The following ABLIM1 variants were observed in gnomAD, a reference collection of about 807,000 sequenced individuals.
ABLIM1 encodes actin binding LIM protein 1, also known as actin-binding LIM protein 1.
Under a neutral mutation model 107.0 loss-of-function variants are expected in ABLIM1, and 40 were observed. The ratio of observed to expected loss-of-function variants is 0.37; its 90% CI spans 0.29 to 0.49. The LOEUF is 0.49. Ranked by LOEUF, ABLIM1 falls within the 20% of genes least tolerant of loss-of-function variation. ABLIM1 has a pLI of 0.97. For synonymous variants in ABLIM1, 357 were observed against 357.3 expected (o/e 1.00, Z 0.01); for missense variants, 857 against 1,008.5 (o/e 0.85, Z 2.04).
At position 114,435,614 on chromosome 10, in the gene ABLIM1, C is replaced by T. The variant is rs1589613929; in HGVS notation, c.*646G>A. The T allele has an allele frequency of 1.3e-5, 2 of 152,230 alleles. No homozygotes were observed. Among genetic ancestry groups the T allele is most frequent in the East Asian group, 3.9e-4 (2 of 5,194 alleles). 9.4% of individuals were successfully genotyped at this position (152,230 alleles called of 1,614,324 possible). ...TTTTTAAATATACTAATAGCTAAGT[C>T]ATTTGCCAGCCAGGTCCCGGTGAAC... On this transcript the variant is annotated 3_prime_UTR_variant, in exon 23 of 23. Coordinates refer to ENST00000533213, the MANE Select transcript of ABLIM1 (RefSeq NM_002313.7).
chr10:114,454,511 C>T (rs939622005), intron 12 of ABLIM1, among the ~76,000 whole-genome samples: 1 of 152,040 alleles, frequency 6.6e-6, no homozygotes, highest in African/African-American at 2.4e-5. Flanking sequence ...GGAGGAGCAA[C>T]AGGACTGGCC....
chr10:114,722,904 C>T (rs761175888), intron 1 of ABLIM1, among the ~76,000 whole-genome samples: 1 of 152,078 alleles, frequency 6.6e-6, no homozygotes. Context: ...TTTTTTTTAA[C>T]CCAGCTCAAG....
intron 1 of ABLIM1, among the ~76,000 whole-genome samples, chr10:114,665,116 CA>C (rs34831708): frequency 0.69 from 99,549 of 144,516 alleles, 33,474 homozygotes; most frequent in East Asian, 0.75. Context: ...GACTCCGTCT[CA>C]AAAAAAAAAA....
intron 1 of ABLIM1, among the ~76,000 whole-genome samples, chr10:114,618,553 C>T (rs1035731974): frequency 2.0e-5 from 3 of 152,230 alleles, no homozygotes; most frequent in African/African-American, 4.8e-5. Flanking sequence ...CTACCAACTG[C>T]AGCACCAGCT....
At chr10:114,573,133 A>C (rs1474513584) in intron 3 of ABLIM1, among the ~76,000 whole-genome samples, 2 of 152,102 alleles carry the variant, frequency 1.3e-5, no homozygotes, top group Non-Finnish European at 2.9e-5. Context: ...CTCCCTCCCT[A>C]TATCCTCTGC....
At chr10:114,742,362 A>G (rs1435806578) in intron 1 of ABLIM1, among the ~76,000 whole-genome samples, 4 of 152,214 alleles carry the variant, frequency 2.6e-5, no homozygotes, top group Non-Finnish European at 4.4e-5. Flanking sequence ...AAAATGGCCA[A>G]AAGTACACTT....
chr10:114,793,106 C>T, the ABLIM1 span, among the ~76,000 whole-genome samples: 5 of 152,230 alleles, frequency 3.3e-5, no homozygotes, highest in Middle Eastern at 6.8e-3. Flanking sequence ...AAGCCGAGAT[C>T]GCGCCTCTGC....
intron 1 of ABLIM1, chr10:114,632,357 C>G: frequency 1.0e-6 from 1 of 985,392 alleles, no homozygotes; most frequent in Non-Finnish European, 1.2e-6. Context: ...AGAGGAGGAC[C>G]GAGCACCAGC....
At chr10:114,676,161 A>T (rs1292364547) in intron 1 of ABLIM1, among the ~76,000 whole-genome samples, 5 of 152,186 alleles carry the variant, frequency 3.3e-5, no homozygotes, top group Non-Finnish European at 7.3e-5. Context: ...AAAGAAGGAA[A>T]CACAACTGGT....
chr10:114,609,920 G>C (rs142741921), intron 1 of ABLIM1, among the ~76,000 whole-genome samples: 1 of 152,202 alleles, frequency 6.6e-6, no homozygotes, highest in Admixed American at 6.5e-5. Context: ...CCAAGGCTAA[G>C]AAGAGTTAAA....
At chr10:114,753,378 G>A (rs982921152) in intron 1 of ABLIM1, among the ~76,000 whole-genome samples, 2 of 152,086 alleles carry the variant, frequency 1.3e-5, no homozygotes, top group African/African-American at 4.8e-5. Flanking sequence ...AATACTTTCG[G>A]CTATGCTCTA....
At chr10:114,558,149 A>C (rs2497734) in intron 4 of ABLIM1, among the ~76,000 whole-genome samples, 88 of 152,202 alleles carry the variant, frequency 5.8e-4, no homozygotes, top group African/African-American at 2.0e-3. Flanking sequence ...AACCCCTGGT[A>C]TTTCGGTAAC....
At chr10:114,690,859 T>C (rs1368158483) in intron 1 of ABLIM1, among the ~76,000 whole-genome samples, 1 of 152,176 alleles carries the variant, frequency 6.6e-6, no homozygotes, top group African/African-American at 2.4e-5. Context: ...TTTTTGTATT[T>C]TTAATAGAGA....
Position 114,591,503 on chromosome 10 carries a change from T to C in ABLIM1, c.379+10324A>G, listed in dbSNP as rs901536432. Among the ~76,000 whole-genome samples the C allele has an allele frequency of 3.9e-5, 6 of 152,170 alleles. 1 individual carries two copies. Among genetic ancestry groups the C allele is most frequent in the Admixed American group, 3.9e-4 (6 of 15,274 alleles). ...CATTGTCTGATAAAATCCCTGGGCC[T>C]GAAAGCTGTTCTATCTTTGTTATAA... On this transcript the variant is annotated intron_variant, in intron 2 of 22. Coordinates refer to ENST00000533213, the MANE Select transcript of ABLIM1 (RefSeq NM_002313.7).
intron 4 of ABLIM1, among the ~76,000 whole-genome samples, chr10:114,548,724 A>G (rs930985885): frequency 3.9e-5 from 6 of 152,212 alleles, no homozygotes; most frequent in Admixed American, 2.0e-4. Flanking sequence ...CTGGAAAGCA[A>G]CTTCAACAAC....
intron 1 of ABLIM1, among the ~76,000 whole-genome samples, chr10:114,644,329 A>ATATATATG (rs1158947105): frequency 7.1e-4 from 82 of 114,916 alleles, no homozygotes; most frequent in East Asian, 1.1e-3. Flanking sequence ...ATATATATAT[A>ATATATATG]TGTGTATATA....
chr10:114,485,169 T>C, intron 8 of ABLIM1: 1 of 588,886 alleles, frequency 1.7e-6, no homozygotes, highest in Non-Finnish European at 2.8e-6. Flanking sequence ...GCGCTTGTGG[T>C]GTGAGAAAAG....
intron 14 of ABLIM1, among the ~76,000 whole-genome samples, chr10:114,451,251 T>C (rs762744442): frequency 2.6e-5 from 4 of 152,240 alleles, no homozygotes; most frequent in Non-Finnish European, 5.9e-5. Context: ...TGGCTGGTTT[T>C]TCACCAGTTT....
chr10:114,562,872 A>C lies in ABLIM1; in HGVS notation c.673+8425T>G, dbSNP rs181034985. Among the ~76,000 whole-genome samples the C allele has an allele frequency of 7.0e-4, 106 of 152,248 alleles. 2 individuals carry two copies. Among genetic ancestry groups the C allele is most frequent in the Non-Finnish European group, 2.6e-4 (18 of 68,022 alleles). On this transcript the variant is annotated intron_variant, in intron 4 of 22. Transcript: ENST00000533213. The stretch of plus-strand genomic sequence containing the variant: ...AAAAGAAAAAAACCCCAAACAAACA[A>C]AAAAACCAGTCCTTGCCGTTCAGTA...
Sources: gnomAD v4.1 joint callset for allele counts (sites outside exome capture counted in the v4.1 genomes callset) on GRCh38, gnomAD v4.1.1 for gene constraint, MANE v1.5 for transcripts, NCBI Gene and HGNC (gene_info 2026-07-23, HGNC 2026-07-21) for gene names.